MTUS2: variants seen among roughly 807,000 people sequenced by gnomAD.
MTUS2 encodes the protein microtubule associated scaffold protein 2, also known as microtubule-associated tumor suppressor candidate 2.
Under a neutral mutation model 114.1 loss-of-function variants are expected in MTUS2, and 40 were observed. That is an observed-to-expected ratio of 0.35 (90% CI 0.27 to 0.46). The LOEUF (loss-of-function observed/expected upper bound fraction) is 0.46, where lower values mean the gene tolerates loss of function less well. Ranked by LOEUF, MTUS2 falls within the 20% of genes least tolerant of loss-of-function variation. The pLI, the probability that MTUS2 is intolerant of heterozygous loss-of-function variation, is 1.00. For synonymous variants in MTUS2, 688 were observed against 672.0 expected, an observed-to-expected ratio of 1.02 and a Z score of -0.37; for missense variants, 1,679 against 1,705.4, an observed-to-expected ratio of 0.98 and a Z score of 0.27.
At chr13:28,922,044 G>A (rs375805657) in intron 2 of MTUS2, among the ~76,000 whole-genome samples, 4 of 152,128 alleles carry the variant, frequency 2.6e-5, no homozygotes, top group East Asian at 3.9e-4. Context: ...TGGTAGGAGG[G>A]GATTGGATCA....
chr13:28,920,869 C>A (rs915471754), intron 2 of MTUS2, among the ~76,000 whole-genome samples: 1 of 152,200 alleles, frequency 6.6e-6, no homozygotes, highest in African/African-American at 2.4e-5. Flanking sequence ...AGGCCACCAC[C>A]GGTGTTCTCT....
chr13:29,280,565 T>A (rs1380402217), intron 5 of MTUS2, among the ~76,000 whole-genome samples: 6 of 151,488 alleles, frequency 4.0e-5, no homozygotes, highest in Non-Finnish European at 7.4e-5. Context: ...TTTAATAATA[T>A]TATCATTTTT....
At chr13:28,981,009 A>G (rs1884333642) in intron 2 of MTUS2, among the ~76,000 whole-genome samples, 1 of 152,248 alleles carries the variant, frequency 6.6e-6, no homozygotes, top group Admixed American at 6.5e-5. Context: ...AGAATATGCC[A>G]TAAGACTTTC....
chr13:29,293,347 G>C (rs1174461283), intron 6 of MTUS2, among the ~76,000 whole-genome samples: 1 of 152,074 alleles, frequency 6.6e-6, no homozygotes, highest in Non-Finnish European at 1.5e-5. Flanking sequence ...CATATGAAAA[G>C]ATATTCAAAT....
At chr13:28,918,676 G>T (rs1366524497) in intron 2 of MTUS2, among the ~76,000 whole-genome samples, 1 of 151,942 alleles carries the variant, frequency 6.6e-6, no homozygotes, top group Non-Finnish European at 1.5e-5. Flanking sequence ...GACATTTAAT[G>T]TTATTATTTA....
chr13:29,204,663 G>A (rs897440350), intron 5 of MTUS2, among the ~76,000 whole-genome samples: 1 of 152,204 alleles, frequency 6.6e-6, no homozygotes, highest in African/African-American at 2.4e-5. Context: ...GCAGCACCCT[G>A]GCCTGGGGCC....
chr13:28,838,610 C>A (rs988532401), intron 1 of MTUS2, among the ~76,000 whole-genome samples: 1 of 152,178 alleles, frequency 6.6e-6, no homozygotes, highest in Non-Finnish European at 1.5e-5. Flanking sequence ...GCATCTTGTC[C>A]CTCGCTTGCT....
intron 2 of MTUS2, among the ~76,000 whole-genome samples, chr13:28,950,104 G>A (rs1566245960): frequency 6.6e-6 from 1 of 152,080 alleles, no homozygotes; most frequent in African/African-American, 2.4e-5. Context: ...CCACATCCTT[G>A]CCCACACTTG....
intron 4 of MTUS2, among the ~76,000 whole-genome samples, chr13:29,072,570 T>G (rs1888991068): frequency 6.6e-6 from 1 of 152,222 alleles, no homozygotes; most frequent in South Asian, 2.1e-4. Flanking sequence ...AGTTGTTTCC[T>G]TAGCAAATAG....
At chr13:29,348,852 T>C (rs1235372123) in intron 7 of MTUS2, among the ~76,000 whole-genome samples, 1 of 152,240 alleles carries the variant, frequency 6.6e-6, no homozygotes, top group African/African-American at 2.4e-5. Flanking sequence ...CTTTTTTCAT[T>C]GTTAATAGAG....
chr13:29,262,008 A>G (rs969441446), intron 5 of MTUS2, among the ~76,000 whole-genome samples: 5 of 152,218 alleles, frequency 3.3e-5, no homozygotes, highest in Non-Finnish European at 5.9e-5. Context: ...ATTTTCTCCT[A>G]TGTGAATGTG....
In MTUS2 at chr13:28,949,443, A is replaced by G. The variant is rs758537370; in HGVS notation, c.-242-75014A>G. Among the ~76,000 whole-genome samples the G allele has an allele frequency of 6.2e-4, 94 of 152,338 alleles. 5 individuals carry two copies. The highest frequency in any genetic ancestry group is 3.4e-4 in the Non-Finnish European group (23 of 68,036). On this transcript the variant is annotated intron_variant, in intron 2 of 15. Coordinates refer to ENST00000612955, the MANE Select transcript of MTUS2 (RefSeq NM_001033602.4). ...TTAATTACAATATCCAATTCTCATA[A>G]TGTTTTGAAAATATTTTAATTGTGG...
chr13:28,992,893 C>T (rs1884926341), intron 2 of MTUS2, among the ~76,000 whole-genome samples: 1 of 152,178 alleles, frequency 6.6e-6, no homozygotes, highest in African/African-American at 2.4e-5. Context: ...TTCCATCTCT[C>T]CCCACAGCCC....
intron 2 of MTUS2, among the ~76,000 whole-genome samples, chr13:28,998,306 C>T (rs1046997611): frequency 2.0e-5 from 3 of 152,202 alleles, no homozygotes; most frequent in Non-Finnish European, 4.4e-5. Flanking sequence ...CGTCTTTTCT[C>T]TCTGGCTGCC....
At chr13:29,477,638 C>T (rs1401469196) in intron 9 of MTUS2, among the ~76,000 whole-genome samples, 3 of 152,130 alleles carry the variant, frequency 2.0e-5, no homozygotes, top group Non-Finnish European at 4.4e-5. Context: ...ACCAAGTCTG[C>T]CTTTCATACT....
At chr13:29,354,736 G>C (rs936949333) in intron 7 of MTUS2, among the ~76,000 whole-genome samples, 2 of 152,190 alleles carry the variant, frequency 1.3e-5, no homozygotes, top group Non-Finnish European at 2.9e-5. Context: ...CATCTGCTCA[G>C]CTTCTCCCCA....
intron 5 of MTUS2, among the ~76,000 whole-genome samples, chr13:29,175,445 T>C (rs1893733785): frequency 6.6e-6 from 1 of 152,190 alleles, no homozygotes; most frequent in Non-Finnish European, 1.5e-5. Flanking sequence ...TCCATTGCAA[T>C]AGCCATTAGA....
intron 10 of MTUS2, among the ~76,000 whole-genome samples, chr13:29,484,676 C>G (rs1881461592): frequency 6.7e-6 from 1 of 149,924 alleles, no homozygotes; most frequent in Non-Finnish European, 1.5e-5. Flanking sequence ...CAGCCTCCCT[C>G]TCTCTCATCC....
intron 5 of MTUS2, among the ~76,000 whole-genome samples, chr13:29,182,965 G>A (rs1474839139): frequency 3.9e-5 from 6 of 152,142 alleles, no homozygotes; most frequent in Non-Finnish European, 5.9e-5. Context: ...GACAGATGAC[G>A]AGGAGGAACA....
Sources: gnomAD v4.1 joint callset for allele counts (sites outside exome capture counted in the v4.1 genomes callset) on GRCh38, gnomAD v4.1.1 for gene constraint, MANE v1.5 for transcripts, NCBI Gene and HGNC (gene_info 2026-07-23, HGNC 2026-07-21) for gene names.